The following B3GALT1 variants were observed in gnomAD, a reference collection of about 807,000 sequenced individuals.
B3GALT1 encodes beta-1,3-galactosyltransferase 1, also known as UDP-Gal:betaGlcNAc beta 1,3-galactosyltransferase, polypeptide 1.
In B3GALT1, 10 loss-of-function variants were observed where a neutral mutation model predicts 23.2. The ratio of observed to expected loss-of-function variants is 0.43; its 90% confidence interval spans 0.27 to 0.73. B3GALT1 has a LOEUF of 0.73. B3GALT1 is among the 30% of genes least tolerant of loss of function. B3GALT1 has a pLI of 0.21. For synonymous variants in B3GALT1, 156 were observed against 141.5 expected, an observed-to-expected ratio of 1.10 and a Z score of -0.73; for missense variants, 299 against 405.4, an observed-to-expected ratio of 0.74 and a Z score of 2.25.
intron 4 of B3GALT1, among the ~76,000 whole-genome samples, chr2:167,863,116 C>T (rs1483172296): frequency 6.6e-6 from 1 of 151,842 alleles, no homozygotes; most frequent in East Asian, 1.9e-4. Flanking sequence ...TTTTTTTAAT[C>T]TTGTAAAACT....
intron 1 of B3GALT1, among the ~76,000 whole-genome samples, chr2:167,431,336 T>G (rs1429605145): frequency 6.6e-6 from 1 of 152,206 alleles, no homozygotes; most frequent in African/African-American, 2.4e-5. Context: ...TACGAATCAC[T>G]GACCATAGAA....
At chr2:167,562,995 G>A (rs1684042314) in intron 2 of B3GALT1, among the ~76,000 whole-genome samples, 1 of 152,084 alleles carries the variant, frequency 6.6e-6, no homozygotes, top group Non-Finnish European at 1.5e-5. Context: ...GGATCCCAAG[G>A]CAGAAGAACC....
intron 1 of B3GALT1, among the ~76,000 whole-genome samples, chr2:167,443,123 A>C (rs1351943953): frequency 6.6e-6 from 1 of 151,932 alleles, no homozygotes; most frequent in African/African-American, 2.4e-5. Context: ...ACCATCTATT[A>C]AATAGGGAAT....
At chr2:167,450,792 C>T (rs1699077335) in intron 1 of B3GALT1, among the ~76,000 whole-genome samples, 1 of 152,138 alleles carries the variant, frequency 6.6e-6, no homozygotes, top group Admixed American at 6.5e-5. Flanking sequence ...ATATGTTTTC[C>T]AAACTTTTAG....
intron 3 of B3GALT1, among the ~76,000 whole-genome samples, chr2:167,709,028 C>A (rs193190480): frequency 1.9e-4 from 29 of 152,260 alleles, no homozygotes; most frequent in Non-Finnish European, 3.7e-4. Flanking sequence ...AGTCTGGAGA[C>A]CTTAGGATAA....
chr2:167,614,480 A>G (rs1187976786), intron 2 of B3GALT1, among the ~76,000 whole-genome samples: 1 of 151,926 alleles, frequency 6.6e-6, no homozygotes, highest in Non-Finnish European at 1.5e-5. Context: ...ATCTCTGTGA[A>G]CATCTTAGTA....
chr2:167,630,767 C>A (rs1045626036), intron 2 of B3GALT1, among the ~76,000 whole-genome samples: 1 of 151,632 alleles, frequency 6.6e-6, no homozygotes, highest in African/African-American at 2.4e-5. Flanking sequence ...TGAAAATTAT[C>A]ATAATACAGA....
chr2:167,512,566 A>ATGTATATATATATGTATATATATATG (rs1464726608), intron 2 of B3GALT1, among the ~76,000 whole-genome samples: 12 of 92,016 alleles, frequency 1.3e-4, no homozygotes, highest in Non-Finnish European at 1.7e-4. Context: ...GTATATATAT[A>ATGTATATATATATGTATATATATATG]TGTATATATA....
chr2:167,715,860 C>G, intron 3 of B3GALT1: 1 of 1,613,830 alleles, frequency 6.2e-7, no homozygotes, highest in South Asian at 1.1e-5. Context: ...CACATAAAGC[C>G]GACTCCTAAC....
chr2:167,387,823 G>C (rs539784613), intron 1 of B3GALT1, among the ~76,000 whole-genome samples: 2 of 152,214 alleles, frequency 1.3e-5, no homozygotes, highest in African/African-American at 4.8e-5. Flanking sequence ...CCCACAAAAG[G>C]CTAAAAAGTT....
At chr2:167,556,763 T>A (rs1186344071) in intron 2 of B3GALT1, among the ~76,000 whole-genome samples, 1 of 152,210 alleles carries the variant, frequency 6.6e-6, no homozygotes, top group African/African-American at 2.4e-5. Flanking sequence ...CATAGAGGAA[T>A]GAACATTCTA....
intron 2 of B3GALT1, among the ~76,000 whole-genome samples, chr2:167,495,803 T>C (rs1699775682): frequency 6.6e-6 from 1 of 152,160 alleles, no homozygotes; most frequent in Non-Finnish European, 1.5e-5. Flanking sequence ...ATGTAATCCA[T>C]AAATCAATGT....
chr2:167,714,737 T>C (rs1255082410), intron 3 of B3GALT1: 7 of 1,613,780 alleles, frequency 4.3e-6, no homozygotes, highest in Non-Finnish European at 5.9e-6. Flanking sequence ...AACAGTTCTC[T>C]CCAATTCTTC....
chr2:167,326,999 T>C (rs574501262), intron 1 of B3GALT1, among the ~76,000 whole-genome samples: 1 of 152,206 alleles, frequency 6.6e-6, no homozygotes, highest in South Asian at 2.1e-4. Context: ...CGCAGTACCA[T>C]TTATTGAAGA....
intron 2 of B3GALT1, among the ~76,000 whole-genome samples, chr2:167,645,446 A>C (rs1215234278): frequency 6.6e-6 from 1 of 152,160 alleles, no homozygotes; most frequent in Non-Finnish European, 1.5e-5. Flanking sequence ...ACATTATCAG[A>C]AATCAAAAGC....
chr2:167,393,186 A>G (rs1698043538), intron 1 of B3GALT1, among the ~76,000 whole-genome samples: 2 of 151,522 alleles, frequency 1.3e-5, no homozygotes, highest in Admixed American at 1.3e-4. Context: ...GTGAGCCGAG[A>G]TTGCGCCACT....
rs183912503 is a variant in B3GALT1, at chr2:167,660,221, T to A, written c.-352+13255T>A. ...TTCATAGCTCTTTCTAACTAAAAAA[T>A]GCAAACCCTGGAAGTTATTATAGGA... On this transcript the variant is annotated intron_variant, in intron 3 of 4. Coordinates refer to ENST00000392690, the MANE Select transcript of B3GALT1 (RefSeq NM_020981.4). Among the ~76,000 whole-genome samples the A allele has an allele frequency of 3.9e-5, 6 of 152,180 alleles. No individual in the cohort carries two copies. In the East Asian group the frequency reaches 1.2e-3, roughly 29 times the overall value.
chr2:167,773,936 C>A (rs1688114815), intron 3 of B3GALT1, among the ~76,000 whole-genome samples: 1 of 152,200 alleles, frequency 6.6e-6, no homozygotes, highest in Admixed American at 6.5e-5. Flanking sequence ...TTTCAGTGAG[C>A]TAATTGAAAG....
intron 3 of B3GALT1, among the ~76,000 whole-genome samples, chr2:167,680,423 G>A (rs995216490): frequency 8.3e-6 from 1 of 120,916 alleles, no homozygotes; most frequent in African/African-American, 2.8e-5. Context: ...GAGAGAGAGA[G>A]AGAACTTTGT....
Sources: gnomAD v4.1 joint callset for allele counts (sites outside exome capture counted in the v4.1 genomes callset) on GRCh38, gnomAD v4.1.1 for gene constraint, MANE v1.5 for transcripts, NCBI Gene and HGNC (gene_info 2026-07-23, HGNC 2026-07-21) for gene names.